ARHGAP15: variants seen among roughly 807,000 people sequenced by gnomAD.
The protein encoded by ARHGAP15 is rho GTPase-activating protein 15.
Under a neutral mutation model 63.7 loss-of-function variants are expected in ARHGAP15, and 51 were observed. The observed-to-expected ratio is 0.80, with a 90% confidence interval of 0.64 to 1.01. The LOEUF is 1.01. ARHGAP15 is among the 50% of genes least tolerant of loss of function. The pLI is 0.00. For synonymous variants in ARHGAP15, 191 were observed against 193.8 expected (o/e 0.99, Z 0.12); for missense variants, 560 against 564.6 (o/e 0.99, Z 0.08).
chr2:143,661,930 G>A (rs1426929077), intron 12 of ARHGAP15, among the ~76,000 whole-genome samples: 1 of 152,218 alleles, frequency 6.6e-6, no homozygotes, highest in African/African-American at 2.4e-5. Flanking sequence ...CGCCCACAGA[G>A]TCTCGCTGAT....
At chr2:143,532,192 A>C (rs938342467) in intron 10 of ARHGAP15, among the ~76,000 whole-genome samples, 21 of 152,200 alleles carry the variant, frequency 1.4e-4, no homozygotes, top group African/African-American at 5.1e-4. Flanking sequence ...TGCATAATGC[A>C]TCCTTATGAG....
intron 12 of ARHGAP15, among the ~76,000 whole-genome samples, chr2:143,695,190 T>C (rs1039725865): frequency 3.3e-5 from 5 of 152,138 alleles, no homozygotes; most frequent in Admixed American, 6.5e-5. Context: ...TGAATAAATA[T>C]AGTTTCAAGA....
At chr2:143,432,990 G>T (rs993146118) in intron 6 of ARHGAP15, among the ~76,000 whole-genome samples, 1 of 151,932 alleles carries the variant, frequency 6.6e-6, no homozygotes, top group Admixed American at 6.6e-5. Flanking sequence ...CATTAGCACG[G>T]CTTAATATCA....
chr2:143,369,844 CTAT>C (rs949405295), intron 6 of ARHGAP15, among the ~76,000 whole-genome samples: 1 of 151,898 alleles, frequency 6.6e-6, no homozygotes, highest in East Asian at 1.9e-4. Context: ...CTTCCTCCTC[CTAT>C]TATTATTATA....
Position 143,183,167 on chromosome 2 carries a change from A to G in ARHGAP15, c.166-18967A>G, listed in dbSNP as rs540920209. ...ATGTATTCTCTCAAGATAGTAGAAGAGAAGGGCCTGACTGTATTCTGGCTT... is the reference window on the plus strand; with the variant it reads ...ATGTATTCTCTCAAGATAGTAGAAGGGAAGGGCCTGACTGTATTCTGGCTT... On this transcript the variant is annotated intron_variant, in intron 2 of 13. Transcript: ENST00000295095. Among the ~76,000 whole-genome samples, 4 of 152,312 alleles carry G rather than the reference A, an allele frequency of 2.6e-5. No individual in the cohort carries two copies. The South Asian group carries it at 8.3e-4, about 32-fold the overall frequency.
At chr2:143,685,416 G>C (rs1248624875) in intron 12 of ARHGAP15, among the ~76,000 whole-genome samples, 1 of 152,134 alleles carries the variant, frequency 6.6e-6, no homozygotes, top group African/African-American at 2.4e-5. Context: ...TGCTAGGAAA[G>C]CCAAATAATG....
chr2:143,176,344 T>G (rs993631894), intron 2 of ARHGAP15, among the ~76,000 whole-genome samples: 3 of 152,154 alleles, frequency 2.0e-5, no homozygotes, highest in Non-Finnish European at 4.4e-5. Flanking sequence ...AATAAGAAAA[T>G]AAATCTAACT....
chr2:143,350,804 A>C (rs1216159942), intron 6 of ARHGAP15: 1 of 132,510 alleles, frequency 7.5e-6, no homozygotes, highest in Admixed American at 9.2e-5. Context: ...GCGCCACTGC[A>C]CTCCAGTCTC....
chr2:143,719,123 G>T (rs985984490), intron 13 of ARHGAP15, among the ~76,000 whole-genome samples: 10 of 152,202 alleles, frequency 6.6e-5, no homozygotes, highest in Non-Finnish European at 1.5e-4. Context: ...CAAGACATAG[G>T]TTGGTTCTCT....
intron 6 of ARHGAP15, among the ~76,000 whole-genome samples, chr2:143,301,794 C>T (rs1464614622): frequency 6.6e-6 from 1 of 151,370 alleles, no homozygotes; most frequent in African/African-American, 2.4e-5. Context: ...TATCTATATA[C>T]ATCCGTCTAG....
chr2:143,173,175 T>A (rs552695423), intron 2 of ARHGAP15, among the ~76,000 whole-genome samples: 2 of 152,252 alleles, frequency 1.3e-5, no homozygotes, highest in African/African-American at 4.8e-5. Context: ...AACTAGTAGA[T>A]GTAAATATTG....
At chr2:143,143,703 T>C (rs1435184711) in intron 1 of ARHGAP15, among the ~76,000 whole-genome samples, 1 of 152,022 alleles carries the variant, frequency 6.6e-6, no homozygotes, top group East Asian at 1.9e-4. Context: ...GCTAAGCCAT[T>C]CTATCCAGAA....
chr2:143,365,508 A>T (rs1686256762), intron 6 of ARHGAP15, among the ~76,000 whole-genome samples: 1 of 152,214 alleles, frequency 6.6e-6, no homozygotes, highest in Non-Finnish European at 1.5e-5. Flanking sequence ...CATATCAGAC[A>T]TACTTTGCCT....
intron 11 of ARHGAP15, among the ~76,000 whole-genome samples, chr2:143,557,571 C>G (rs1315010000): frequency 6.6e-6 from 1 of 151,900 alleles, no homozygotes; most frequent in Admixed American, 6.6e-5. Context: ...ACACATTTGT[C>G]AAAACCCATA....
At chr2:143,489,792 T>A (rs1318843360) in intron 9 of ARHGAP15, among the ~76,000 whole-genome samples, 1 of 152,322 alleles carries the variant, frequency 6.6e-6, no homozygotes, top group East Asian at 1.9e-4. Flanking sequence ...AGAGGAATAA[T>A]GGCTTTAGAA....
chr2:143,540,872 A>G (rs527252787), intron 10 of ARHGAP15, among the ~76,000 whole-genome samples: 61 of 152,202 alleles, frequency 4.0e-4, no homozygotes, highest in African/African-American at 1.4e-3. Context: ...TGCTCTTCCC[A>G]AGGAGAATCT....
chr2:143,259,597 T>G (rs1302042683), intron 6 of ARHGAP15, among the ~76,000 whole-genome samples: 1 of 152,172 alleles, frequency 6.6e-6, no homozygotes, highest in Admixed American at 6.6e-5. Context: ...CAACACTGGC[T>G]TCTCTGATTC....
At chr2:143,274,046 T>C (rs998416501) in intron 6 of ARHGAP15, among the ~76,000 whole-genome samples, 2 of 152,230 alleles carry the variant, frequency 1.3e-5, no homozygotes, top group African/African-American at 4.8e-5. Flanking sequence ...TCCATTTTAT[T>C]GTAATCACTA....
At chr2:143,471,075 CAT>C (rs1553485871) in intron 8 of ARHGAP15, among the ~76,000 whole-genome samples, 1 of 148,690 alleles carries the variant, frequency 6.7e-6, no homozygotes, top group Non-Finnish European at 1.5e-5. Context: ...ATATGATACA[CAT>C]GTATAAATGT....
Sources: allele counts gnomAD v4.1 joint callset (sites outside exome capture counted in the v4.1 genomes callset), GRCh38; gene constraint gnomAD v4.1.1; transcripts MANE v1.5; gene names NCBI Gene and HGNC (gene_info 2026-07-23, HGNC 2026-07-21).